TEKTL1: variants seen among roughly 807,000 people sequenced by gnomAD.
TEKTL1 encodes tektin like 1.
the TEKTL1 span, chr19:15,011,501 A>T: frequency 3.0e-6 from 3 of 1,013,404 alleles, no homozygotes; most frequent in Non-Finnish European, 4.0e-6. Flanking sequence ...TGGGAGGCCA[A>T]GGCTGGTTGA....
the TEKTL1 span, chr19:15,022,059 C>CGG: frequency 1.4e-6 from 1 of 699,622 alleles, no homozygotes; most frequent in Admixed American, 2.6e-5. Flanking sequence ...AGTGGGGAGG[C>CGG]GGGGGCTTCA....
chr19:15,011,167 C>T, the TEKTL1 span: 1 of 1,504,028 alleles, frequency 6.6e-7, no homozygotes, highest in Non-Finnish European at 8.8e-7. Flanking sequence ...TACCCTTGCA[C>T]CGCAAAGCGC....
chr19:15,022,475 C>T, the TEKTL1 span, among the ~76,000 whole-genome samples: 8 of 151,910 alleles, frequency 5.3e-5, no homozygotes, highest in Admixed American at 2.6e-4. Context: ...ATTACAGGTG[C>T]GCGCCACCAC....
the TEKTL1 span, among the ~76,000 whole-genome samples, chr19:15,016,208 T>C: frequency 8.0e-6 from 1 of 124,944 alleles, no homozygotes; most frequent in Non-Finnish European, 1.8e-5. Flanking sequence ...TTTTTTTTTT[T>C]TGAGTTGGCT....
At chr19:15,021,762 C>A in the TEKTL1 span, 2 of 1,612,516 alleles carry the variant, frequency 1.2e-6, no homozygotes, top group Non-Finnish European at 1.7e-6. Flanking sequence ...GTGCCGGTGG[C>A]TGGAGGCTGG....
chr19:15,020,133 C>A, the TEKTL1 span, among the ~76,000 whole-genome samples: 1 of 151,604 alleles, frequency 6.6e-6, no homozygotes, highest in African/African-American at 2.4e-5. Flanking sequence ...CATAGTCAGA[C>A]CCCTTCTTCA....
the TEKTL1 span, chr19:15,022,765 C>A: frequency 3.7e-6 from 4 of 1,068,964 alleles, no homozygotes; most frequent in Admixed American, 3.0e-5. Flanking sequence ...CAGATGTGTT[C>A]CCCTCCTCAG....
chr19:15,020,606 G>C, the TEKTL1 span: 2 of 1,613,958 alleles, frequency 1.2e-6, no homozygotes, highest in Non-Finnish European at 1.7e-6. Flanking sequence ...CCCACTCCAC[G>C]CACACAGGGT....
At chr19:15,018,602 A>G in the TEKTL1 span, among the ~76,000 whole-genome samples, 2 of 148,886 alleles carry the variant, frequency 1.3e-5, no homozygotes, top group Non-Finnish European at 3.0e-5. Flanking sequence ...TGTCCCAGCT[A>G]CTTGGGAGGC....
the TEKTL1 span, chr19:15,021,592 C>T: frequency 6.2e-7 from 1 of 1,613,424 alleles, no homozygotes; most frequent in Admixed American, 1.7e-5. Context: ...CCAGCGTGAT[C>T]CCCCTGCGCT....
the TEKTL1 span, chr19:15,022,889 T>C: frequency 6.3e-7 from 1 of 1,597,334 alleles, no homozygotes; most frequent in Non-Finnish European, 8.5e-7. Flanking sequence ...CAAGCTGCAG[T>C]GCCACATCAC....
chr19:15,011,255 C>T, the TEKTL1 span: 2 of 1,511,706 alleles, frequency 1.3e-6, no homozygotes, highest in Non-Finnish European at 1.8e-6. Context: ...CGGCCGCGCG[C>T]AGCACCAGAT....
chr19:15,020,104 T>A, the TEKTL1 span, among the ~76,000 whole-genome samples: 1 of 151,646 alleles, frequency 6.6e-6, no homozygotes, highest in African/African-American at 2.4e-5. Context: ...AGCCAGGAGT[T>A]CAAGACCAGC....
At chr19:15,021,466 G>T in the TEKTL1 span, 1 of 1,614,200 alleles carries the variant, frequency 6.2e-7, no homozygotes, top group Non-Finnish European at 8.5e-7. Flanking sequence ...GCAGATAAGC[G>T]ACCGTGTGTG....
chr19:15,015,182 G>C, the TEKTL1 span, among the ~76,000 whole-genome samples: 15 of 152,278 alleles, frequency 9.9e-5, no homozygotes, highest in Middle Eastern at 3.4e-3. Context: ...GGAAGACCCT[G>C]TCTCTGTGAG....
the TEKTL1 span, chr19:15,022,925 C>G: frequency 6.2e-7 from 1 of 1,609,290 alleles, no homozygotes. Flanking sequence ...CCTGGACGAG[C>G]TGCTCGCCAC....
the TEKTL1 span, among the ~76,000 whole-genome samples, chr19:15,018,396 G>A: frequency 1.0e-3 from 152 of 151,944 alleles, no homozygotes; most frequent in African/African-American, 3.5e-3. Flanking sequence ...ACAACTTTGT[G>A]AATAAAAAAG....
At chr19:15,016,181 T>A in the TEKTL1 span, among the ~76,000 whole-genome samples, 1 of 137,168 alleles carries the variant, frequency 7.3e-6, no homozygotes, top group Non-Finnish European at 1.5e-5. Context: ...ACTGGACAGC[T>A]GTCCTTTTTT....
chr19:15,022,013 C>T, the TEKTL1 span: 1 of 996,564 alleles, frequency 1.0e-6, no homozygotes, highest in South Asian at 1.5e-5. Flanking sequence ...ATCCCCCTCT[C>T]ACCCAAGTCG....
Sources: allele counts gnomAD v4.1 joint callset (sites outside exome capture counted in the v4.1 genomes callset), GRCh38; gene constraint gnomAD v4.1.1; transcripts MANE v1.5; gene names NCBI Gene and HGNC (gene_info 2026-07-23, HGNC 2026-07-21).